RASAL2: variants seen among roughly 807,000 people sequenced by gnomAD.
The protein encoded by RASAL2 is RAS protein activator like 2, also known as ras GTPase-activating protein nGAP.
RASAL2 carries 58 observed loss-of-function variants against 128.9 expected under a neutral mutation model. The observed-to-expected ratio is 0.45, with a 90% confidence interval of 0.36 to 0.56. The LOEUF (loss-of-function observed/expected upper bound fraction) is 0.56. RASAL2 is among the 20% of genes least tolerant of loss of function. The probability of loss-of-function intolerance (pLI) is 0.00; values close to 1 mark genes in which losing one functional copy is unlikely to be tolerated. For missense variants in RASAL2, 1,360 were observed against 1,601.6 expected (o/e 0.85, Z 2.57); for synonymous variants, 561 against 580.8 (o/e 0.97, Z 0.49).
chr1:178,226,567 A>G (rs1331470211), intron 1 of RASAL2, among the ~76,000 whole-genome samples: 2 of 152,176 alleles, frequency 1.3e-5, no homozygotes, highest in African/African-American at 2.4e-5. Flanking sequence ...TACACAATTG[A>G]TATTAAGGAA....
In RASAL2 at chr1:178,094,246, T is replaced by TGGTC. The variant is rs1188307819; in HGVS notation, c.-244_-241dup. 3 of 520,026 alleles carry TGGTC rather than the reference T, an allele frequency of 5.8e-6. No individual in the cohort carries two copies. Among genetic ancestry groups the TGGTC allele is most frequent in the Non-Finnish European group, 1.0e-5 (3 of 298,512 alleles). The allele number at this position is 520,026 out of a possible 1,614,324, so 32.2% of individuals were successfully genotyped here. On this transcript the variant is annotated 5_prime_UTR_variant, in exon 1 of 18. Transcript: ENST00000367649. The stretch of plus-strand genomic sequence containing the variant: ...ACACACCTGAGCCCGGACCCACCCT[T>TGGTC]GGTCGGGGCCACGCTGGATCCTCCT...
intron 9 of RASAL2, among the ~76,000 whole-genome samples, chr1:178,450,985 G>C (rs772151161): frequency 2.0e-5 from 3 of 152,130 alleles, no homozygotes; most frequent in Non-Finnish European, 2.9e-5. Context: ...AGCATAGGCC[G>C]TATGAACACG....
rs148401708 is a variant in RASAL2, at chr1:178,385,781, A to G, written c.458-4319A>G. On this transcript the variant is annotated intron_variant, in intron 3 of 17. Coordinates refer to ENST00000367649, the MANE Select transcript of RASAL2 (RefSeq NM_170692.4). ...TATTTGTTCCCACTCACTGGCACCAATCCCACTGGCCTCTTTGTTGCGGTT... is the reference window on the plus strand; with the variant it reads ...TATTTGTTCCCACTCACTGGCACCAGTCCCACTGGCCTCTTTGTTGCGGTT... 3.0e-4 allele frequency among the ~76,000 whole-genome samples: 45 copies of G among 152,158 alleles called. No individual in the cohort carries two copies. The East Asian group carries it at 4.6e-3, about 16-fold the overall frequency.
chr1:178,196,308 G>A (rs1437613391), intron 1 of RASAL2, among the ~76,000 whole-genome samples: 1 of 151,944 alleles, frequency 6.6e-6, no homozygotes, highest in African/African-American at 2.4e-5. Context: ...TAAAGAAAGG[G>A]AAAAGTCAAG....
intron 3 of RASAL2, among the ~76,000 whole-genome samples, chr1:178,324,644 G>A (rs1668951103): frequency 6.6e-6 from 1 of 151,978 alleles, no homozygotes. Context: ...GCCCTTGACT[G>A]CCCAGAACCT....
chr1:178,376,801 A>G (rs1672012653), intron 3 of RASAL2, among the ~76,000 whole-genome samples: 1 of 152,164 alleles, frequency 6.6e-6, no homozygotes, highest in South Asian at 2.1e-4. Flanking sequence ...CTTAGTAGAT[A>G]CTTTTTGAAT....
rs1648606395 is a variant in RASAL2 at position 178,475,464 on chromosome 1, C to G, written c.*2225C>G. 1 of 152,172 alleles carries G rather than the reference C, an allele frequency of 6.6e-6. No individual in the cohort carries two copies. The highest frequency in any genetic ancestry group is 1.5e-5 in the Non-Finnish European group (1 of 68,038). The allele number at this position is 152,172 out of a possible 1,614,324, so 9.4% of individuals were successfully genotyped here. ...GTTTCTGGCTATTCTCAGCTCAAGC[C>G]ATGTTTAATTCATTCTTTGTAAAAG... On this transcript the variant is annotated 3_prime_UTR_variant, in exon 18 of 18. Coordinates refer to ENST00000367649, the MANE Select transcript of RASAL2 (RefSeq NM_170692.4).
chr1:178,152,247 C>T (rs778048758), intron 1 of RASAL2, among the ~76,000 whole-genome samples: 35 of 152,086 alleles, frequency 2.3e-4, no homozygotes, highest in African/African-American at 7.7e-4. Context: ...GGATTGAACA[C>T]GTGGAGGTAC....
chr1:178,338,615 A>G (rs1669711170), intron 3 of RASAL2, among the ~76,000 whole-genome samples: 1 of 152,352 alleles, frequency 6.6e-6, no homozygotes, highest in Non-Finnish European at 1.5e-5. Context: ...TTTTAGAAAC[A>G]CTATATTTGT....
chr1:178,416,047 C>T (rs1049248347), intron 4 of RASAL2, among the ~76,000 whole-genome samples: 3 of 152,022 alleles, frequency 2.0e-5, no homozygotes, highest in Non-Finnish European at 2.9e-5. Flanking sequence ...AGACTATTGA[C>T]GTTCGAAGTG....
Position 178,474,194 on chromosome 1 carries a change from C to T in RASAL2, c.*955C>T, listed in dbSNP as rs1244227899. On this transcript the variant is annotated 3_prime_UTR_variant, in exon 18 of 18. Transcript: ENST00000367649. ...GTTATTTAAATAGCTGTCCATAAGC[C>T]ATCCAGATCAACACCCTTTCTTCCA... 3.9e-5 allele frequency: 6 copies of T among 152,622 alleles called. No homozygotes were observed. Among genetic ancestry groups the T allele is most frequent in the Admixed American group, 3.9e-4 (6 of 15,284 alleles). The allele number at this position is 152,622 out of a possible 1,614,324, so 9.5% of individuals were successfully genotyped here. A position where few individuals can be genotyped will look rare whatever the true frequency, so the allele number is the denominator to read the frequency against.
At chr1:178,440,200 A>G (rs897410966) in intron 6 of RASAL2, among the ~76,000 whole-genome samples, 1 of 152,050 alleles carries the variant, frequency 6.6e-6, no homozygotes, top group Non-Finnish European at 1.5e-5. Flanking sequence ...CTATATATAC[A>G]TGTATTTATA....
chr1:178,341,833 C>A (rs574221000), intron 3 of RASAL2, among the ~76,000 whole-genome samples: 23 of 152,282 alleles, frequency 1.5e-4, no homozygotes, highest in African/African-American at 4.1e-4. Flanking sequence ...CTAAGAAACT[C>A]AGATAAATTA....
At chr1:178,109,102 A>T (rs1659202830) in intron 1 of RASAL2, among the ~76,000 whole-genome samples, 1 of 152,226 alleles carries the variant, frequency 6.6e-6, no homozygotes, top group African/African-American at 2.4e-5. Flanking sequence ...TTCATCTGGG[A>T]CATAGCTTTA....
At chr1:178,288,524 T>G (rs1165995209) in intron 2 of RASAL2, among the ~76,000 whole-genome samples, 1 of 151,806 alleles carries the variant, frequency 6.6e-6, no homozygotes, top group African/African-American at 2.4e-5. Flanking sequence ...TTCATTCCAT[T>G]ATTTCTTGCC....
At chr1:178,427,421 A>G (rs1243001622) in intron 5 of RASAL2, among the ~76,000 whole-genome samples, 1 of 152,160 alleles carries the variant, frequency 6.6e-6, no homozygotes, top group East Asian at 1.9e-4. Flanking sequence ...AAACCTTCAC[A>G]GTAATGTTCT....
chr1:178,282,366 G>A (rs1364227705), intron 1 of RASAL2, among the ~76,000 whole-genome samples: 2 of 152,140 alleles, frequency 1.3e-5, no homozygotes, highest in Non-Finnish European at 2.9e-5. Flanking sequence ...GACCTACGTA[G>A]TTCTATGAAG....
chr1:178,220,606 ATAAAAAATGCAATATCTGCAAAGTGC>A (rs1311342864), intron 1 of RASAL2, among the ~76,000 whole-genome samples: 45 of 152,340 alleles, frequency 3.0e-4, no homozygotes, highest in Non-Finnish European at 6.0e-4. Context: ...CCTTAATTTT[ATAAAAAATGCAATATCTGCAAAGTGC>A]TAAAAAAATG....
intron 1 of RASAL2, among the ~76,000 whole-genome samples, chr1:178,152,481 G>A (rs934966118): frequency 6.6e-6 from 1 of 152,096 alleles, no homozygotes; most frequent in Non-Finnish European, 1.5e-5. Flanking sequence ...AGAAGTATGG[G>A]TGGCCCCTCC....
Sources: allele counts gnomAD v4.1 joint callset (sites outside exome capture counted in the v4.1 genomes callset), GRCh38; gene constraint gnomAD v4.1.1; transcripts MANE v1.5; gene names NCBI Gene and HGNC (gene_info 2026-07-23, HGNC 2026-07-21).